STX8: variants seen among roughly 807,000 people sequenced by gnomAD.
The protein encoded by STX8 is syntaxin 8.
A neutral mutation model predicts 37.5 loss-of-function variants in STX8; 23 were observed. The ratio of observed to expected loss-of-function variants is 0.61; its 90% CI spans 0.44 to 0.87. The LOEUF (loss-of-function observed/expected upper bound fraction) is 0.87. Among genes scored for constraint, STX8 ranks in the 40% least tolerant of loss-of-function variants. The pLI, the probability that STX8 is intolerant of heterozygous loss-of-function variation, is 0.00. For synonymous variants in STX8, 115 were observed against 99.1 expected (o/e 1.16, Z -0.95); for missense variants, 313 against 284.7 (o/e 1.10, Z -0.71).
At chr17:9,258,039 TCA>T (rs1906868239) in intron 7 of STX8, among the ~76,000 whole-genome samples, 1 of 152,252 alleles carries the variant, frequency 6.6e-6, no homozygotes, top group Non-Finnish European at 1.5e-5. Flanking sequence ...GCCTCGCTTT[TCA>T]CACCAGAAGA....
intron 6 of STX8, among the ~76,000 whole-genome samples, chr17:9,460,298 T>C (rs1173611115): frequency 6.6e-6 from 1 of 152,204 alleles, no homozygotes; most frequent in Non-Finnish European, 1.5e-5. Context: ...CTCTTGGATG[T>C]TACTATCACT....
At chr17:9,527,621 A>G (rs1905630599) in intron 4 of STX8, among the ~76,000 whole-genome samples, 2 of 152,128 alleles carry the variant, frequency 1.3e-5, no homozygotes, top group Non-Finnish European at 2.9e-5. Context: ...TTTATTTTCC[A>G]TACCAAAAGT....
intron 6 of STX8, among the ~76,000 whole-genome samples, chr17:9,430,901 G>A (rs933973535): frequency 1.6e-4 from 25 of 152,016 alleles, no homozygotes; most frequent in African/African-American, 4.1e-4. Flanking sequence ...CACCCGCCTC[G>A]GCCTCCCAAA....
intron 7 of STX8, among the ~76,000 whole-genome samples, chr17:9,292,484 C>T (rs955612248): frequency 1.3e-5 from 2 of 152,208 alleles, no homozygotes; most frequent in Non-Finnish European, 2.9e-5. Context: ...TTGTCTCTTT[C>T]ATAACACAAC....
chr17:9,552,041 T>C (rs1906784368), intron 3 of STX8, among the ~76,000 whole-genome samples: 1 of 151,882 alleles, frequency 6.6e-6, no homozygotes, highest in East Asian at 1.9e-4. Flanking sequence ...GAAAGAACCA[T>C]GTAACAGTTC....
At chr17:9,480,795 GAAAAC>G (rs1906299814) in intron 6 of STX8, among the ~76,000 whole-genome samples, 1 of 152,184 alleles carries the variant, frequency 6.6e-6, no homozygotes, top group African/African-American at 2.4e-5. Flanking sequence ...GCCACGTAGA[GAAAAC>G]CCTTTCCTCA....
At chr17:9,255,333 C>T (rs1437011241) in intron 7 of STX8, among the ~76,000 whole-genome samples, 1 of 152,002 alleles carries the variant, frequency 6.6e-6, no homozygotes, top group Non-Finnish European at 1.5e-5. Flanking sequence ...TTGAGACCAG[C>T]CTGGCCAACA....
intron 2 of STX8, among the ~76,000 whole-genome samples, chr17:9,562,085 T>C (rs1907255943): frequency 7.0e-6 from 1 of 143,392 alleles, no homozygotes; most frequent in Non-Finnish European, 1.5e-5. Context: ...AGCAATTAGA[T>C]TGACAGCCAA....
At chr17:9,455,446 G>C (rs1359029596) in intron 6 of STX8, among the ~76,000 whole-genome samples, 1 of 152,098 alleles carries the variant, frequency 6.6e-6, no homozygotes, top group Non-Finnish European at 1.5e-5. Flanking sequence ...GTTGCAGTGA[G>C]CCGAGATCAC....
At chr17:9,392,425 T>C (rs1912254936) in intron 6 of STX8, among the ~76,000 whole-genome samples, 1 of 152,164 alleles carries the variant, frequency 6.6e-6, no homozygotes, top group South Asian at 2.1e-4. Flanking sequence ...CTGGACAACA[T>C]AGTGAGAACC....
rs550252780 is a variant in STX8 at position 9,327,577 on chromosome 17, GTCTC to G, written c.643+50971_643+50974del. Among the ~76,000 whole-genome samples the G allele has an allele frequency of 1.8e-4, 28 of 152,234 alleles. No homozygotes were observed. The South Asian group carries it at 2.7e-3, about 15-fold the overall frequency. ...GGCCCGTCTGTTTGGATTCTTCCTG[GTCTC>G]TCTGTGTGGCATTCCTTCCACCTGG... On this transcript the variant is annotated intron_variant, in intron 7 of 7. Transcript: ENST00000306357.
At chr17:9,278,176 A>G (rs577921499) in intron 7 of STX8, among the ~76,000 whole-genome samples, 1 of 152,304 alleles carries the variant, frequency 6.6e-6, no homozygotes, top group African/African-American at 2.4e-5. Flanking sequence ...GGCCGGATGC[A>G]GTGGCTTACG....
chr17:9,531,771 G>T (rs1905828673), intron 4 of STX8, among the ~76,000 whole-genome samples: 1 of 151,706 alleles, frequency 6.6e-6, no homozygotes, highest in African/African-American at 2.4e-5. Flanking sequence ...ATAGTTTTCA[G>T]TGTAGAAGTC....
intron 7 of STX8, among the ~76,000 whole-genome samples, chr17:9,281,336 TGATTCCTGG>T (rs1907874914): frequency 6.6e-6 from 1 of 152,164 alleles, no homozygotes; most frequent in East Asian, 1.9e-4. Flanking sequence ...GAAGCAGGGA[TGATTCCTGG>T]GTATTTGGCC....
chr17:9,378,464 C>T, intron 7 of STX8, 88 bp downstream of exon 7: 1 of 1,200,662 alleles, frequency 8.3e-7, no homozygotes, highest in Non-Finnish European at 1.2e-6. Flanking sequence ...AACCAAATCC[C>T]CACAGTAATT....
chr17:9,518,766 G>A (rs1007493900), intron 4 of STX8, among the ~76,000 whole-genome samples: 1 of 151,970 alleles, frequency 6.6e-6, no homozygotes, highest in Non-Finnish European at 1.5e-5. Flanking sequence ...TACTCGGGAG[G>A]CTGAGGCAGG....
At chr17:9,504,598 T>G (rs1440759380) in intron 5 of STX8, among the ~76,000 whole-genome samples, 1 of 151,698 alleles carries the variant, frequency 6.6e-6, no homozygotes, top group African/African-American at 2.4e-5. Context: ...TCAGGTATCC[T>G]GAGGCACACA....
chr17:9,484,484 A>AG (rs1906491987), intron 6 of STX8, among the ~76,000 whole-genome samples: 1 of 151,340 alleles, frequency 6.6e-6, no homozygotes, highest in Non-Finnish European at 1.5e-5. Flanking sequence ...AATTGGCAGG[A>AG]GGGGGAAGGT....
intron 6 of STX8, among the ~76,000 whole-genome samples, chr17:9,487,374 A>T (rs1308165915): frequency 6.6e-6 from 1 of 151,984 alleles, no homozygotes; most frequent in Non-Finnish European, 1.5e-5. Context: ...ACTCCCTATC[A>T]CTCAGATCAC....
Sources: gnomAD v4.1 joint callset for allele counts (sites outside exome capture counted in the v4.1 genomes callset) on GRCh38, gnomAD v4.1.1 for gene constraint, MANE v1.5 for transcripts, NCBI Gene and HGNC (gene_info 2026-07-23, HGNC 2026-07-21) for gene names.